The following USH2A variants were observed in gnomAD, a reference collection of about 807,000 sequenced individuals.
The protein encoded by USH2A is Usher syndrome 2A (autosomal recessive, mild).
A neutral mutation model predicts 538.9 loss-of-function variants in USH2A; 443 were observed. That is an observed-to-expected ratio of 0.82 (90% CI 0.76 to 0.89). The LOEUF is 0.89. USH2A is among the 40% of genes least tolerant of loss of function. The pLI, the probability that USH2A is intolerant of heterozygous loss-of-function variation, is 0.00. For synonymous variants in USH2A, 2,413 were observed against 2,273.5 expected, an observed-to-expected ratio of 1.06 and a Z score of -1.75; for missense variants, 6,633 against 6,324.8, an observed-to-expected ratio of 1.05 and a Z score of -1.65.
intron 63 of USH2A, among the ~76,000 whole-genome samples, chr1:215,673,054 A>T (rs959520775): frequency 2.0e-5 from 3 of 152,218 alleles, no homozygotes; most frequent in Non-Finnish European, 4.4e-5. Context: ...CTGCAGCTAC[A>T]GTGGACCTTT....
In USH2A at chr1:216,421,895, A is replaced by G; in HGVS notation, c.442T>C (p.Phe148Leu). 1 of 1,613,980 alleles carries G rather than the reference A, an allele frequency of 6.2e-7. No individual in the cohort carries two copies. Among genetic ancestry groups the G allele is most frequent in the South Asian group, 1.1e-5 (1 of 91,082 alleles). Residue 148 changes from phenylalanine (F) to leucine (L), a missense_variant, in exon 2 of 72, where the codon TTT becomes CTT. Phe to Leu is a conservative substitution (Grantham distance 22, BLOSUM62 0). Coordinates refer to ENST00000307340, the MANE Select transcript of USH2A (RefSeq NM_206933.4). ...GGTTTCAGCCATACAGCTAAGGTAA[A>G]TGATGCCATCAGCTTTGGAGAAGGA... ...SPPSPKLMASFTLAVWLKPEQ... is the reference protein window; with the variant it reads ...SPPSPKLMASLTLAVWLKPEQ...
intron 4 of USH2A, among the ~76,000 whole-genome samples, chr1:216,335,495 T>A (rs1349322387): frequency 6.6e-6 from 1 of 151,564 alleles, no homozygotes; most frequent in Admixed American, 6.6e-5. Flanking sequence ...CAAAAGTTGA[T>A]TGTTAGAAAT....
intron 11 of USH2A, 152 bp downstream of exon 11, chr1:216,289,128 A>G: frequency 9.0e-7 from 1 of 1,116,800 alleles, no homozygotes. Flanking sequence ...CCATACTCAA[A>G]GTTGCACACG....
chr1:216,251,866 T>G (rs1255073899), intron 11 of USH2A, among the ~76,000 whole-genome samples: 2 of 152,222 alleles, frequency 1.3e-5, no homozygotes, highest in Non-Finnish European at 2.9e-5. Context: ...ATAAACAGTG[T>G]AACAATGTTT....
chr1:215,919,043 A>T (rs1215141849), intron 38 of USH2A, among the ~76,000 whole-genome samples: 2 of 152,100 alleles, frequency 1.3e-5, no homozygotes, highest in African/African-American at 2.4e-5. Context: ...CTTATTTGTG[A>T]AGAAAAATAT....
intron 46 of USH2A, among the ~76,000 whole-genome samples, chr1:215,843,397 C>G (rs1663744864): frequency 6.6e-6 from 1 of 152,070 alleles, no homozygotes; most frequent in Non-Finnish European, 1.5e-5. Context: ...TCTTTTATGG[C>G]TTGGTACTCC....
chr1:215,850,319 C>T (rs989540191), intron 44 of USH2A, among the ~76,000 whole-genome samples: 10 of 152,004 alleles, frequency 6.6e-5, no homozygotes, highest in Non-Finnish European at 1.2e-4. Context: ...AAAATATAGT[C>T]GGAAGATAAA....
chr1:216,146,843 C>T (rs1454949455), intron 21 of USH2A, among the ~76,000 whole-genome samples: 1 of 152,124 alleles, frequency 6.6e-6, no homozygotes, highest in African/African-American at 2.4e-5. Context: ...TCTCCTTTAG[C>T]CTGTGTCCTT....
intron 49 of USH2A, among the ~76,000 whole-genome samples, chr1:215,805,439 T>G (rs1212496553): frequency 1.3e-5 from 2 of 150,938 alleles, no homozygotes; most frequent in East Asian, 3.9e-4. Context: ...TAACAGGGAG[T>G]GGAAAGTTAG....
At chr1:216,237,274 T>A in intron 13 of USH2A, among the ~76,000 whole-genome samples, 1 of 152,092 alleles carries the variant, frequency 6.6e-6, no homozygotes, top group East Asian at 1.9e-4. Context: ...AAATGAGGTA[T>A]CCCAGAATGT....
At chr1:216,048,149 A>G (rs1359086456) in intron 31 of USH2A, among the ~76,000 whole-genome samples, 1 of 152,184 alleles carries the variant, frequency 6.6e-6, no homozygotes, top group Non-Finnish European at 1.5e-5. Context: ...TTTGATTCTC[A>G]ATTTCATACT....
At chr1:216,100,309 A>T (rs2032546846) in intron 21 of USH2A, among the ~76,000 whole-genome samples, 1 of 152,204 alleles carries the variant, frequency 6.6e-6, no homozygotes, top group Admixed American at 6.5e-5. Flanking sequence ...AATGGGAGAC[A>T]TATAAATTAA....
rs1332710076 is a variant in USH2A at position 216,059,494 on chromosome 1, G to A, written c.6049+10607C>T. On this transcript the variant is annotated intron_variant, in intron 30 of 71. Coordinates refer to ENST00000307340, the MANE Select transcript of USH2A (RefSeq NM_206933.4). ...CAAACATTCTTTCCAGCTAACAGAT[G>A]TTGACATTTTCCATACTGGATAGCA... 3.3e-5 allele frequency among the ~76,000 whole-genome samples: 5 copies of A among 152,164 alleles called. 1 individual carries two copies. The highest frequency in any genetic ancestry group is 1.2e-4 in the African/African-American group (5 of 41,444).
At chr1:216,110,767 G>A (rs1350061913) in intron 21 of USH2A, among the ~76,000 whole-genome samples, 4 of 152,188 alleles carry the variant, frequency 2.6e-5, no homozygotes, top group Non-Finnish European at 5.9e-5. Flanking sequence ...AAGCAGGACT[G>A]TGAAGACTGA....
intron 22 of USH2A, among the ~76,000 whole-genome samples, chr1:216,090,200 G>GT (rs769594111): frequency 2.0e-5 from 3 of 151,726 alleles, no homozygotes; most frequent in Admixed American, 6.6e-5. Flanking sequence ...TTGCTATGCT[G>GT]TTTTTTTCAA....
intron 30 of USH2A, 137 bp downstream of exon 30, chr1:216,069,964 T>G: frequency 9.9e-7 from 1 of 1,009,672 alleles, no homozygotes; most frequent in Non-Finnish European, 1.5e-6. Context: ...CTACTTTAGA[T>G]GGGTGTTGTT....
At chr1:215,910,126 G>A (rs1246635955) in intron 38 of USH2A, among the ~76,000 whole-genome samples, 1 of 151,894 alleles carries the variant, frequency 6.6e-6, no homozygotes, top group African/African-American at 2.4e-5. Context: ...TTTCTAGAAT[G>A]CTTGTTCATG....
At chr1:216,237,865 G>A (rs991040036) in intron 13 of USH2A, among the ~76,000 whole-genome samples, 2 of 151,984 alleles carry the variant, frequency 1.3e-5, no homozygotes, top group African/African-American at 4.8e-5. Context: ...TGTATTTCCT[G>A]TGACAAGATT....
intron 60 of USH2A, among the ~76,000 whole-genome samples, chr1:215,735,634 C>T (rs941809922): frequency 6.6e-6 from 1 of 152,032 alleles, no homozygotes; most frequent in African/African-American, 2.4e-5. Context: ...CACTGATAGC[C>T]TAATATTTGG....
Sources: gnomAD v4.1 joint callset for allele counts (sites outside exome capture counted in the v4.1 genomes callset) on GRCh38, gnomAD v4.1.1 for gene constraint, MANE v1.5 for transcripts, NCBI Gene and HGNC (gene_info 2026-07-23, HGNC 2026-07-21) for gene names.